The following PTPRC variants were observed in gnomAD, a reference collection of about 807,000 sequenced individuals.
The protein encoded by PTPRC is protein tyrosine phosphatase receptor type C.
Under a neutral mutation model 155.9 loss-of-function variants are expected in PTPRC, and 44 were observed. The ratio of observed to expected loss-of-function variants is 0.28; its 90% CI spans 0.22 to 0.36. The LOEUF (loss-of-function observed/expected upper bound fraction) is 0.36. Ranked by LOEUF, PTPRC falls within the 10% of genes least tolerant of loss-of-function variation. The probability of loss-of-function intolerance (pLI) is 1.00; values close to 1 mark genes in which losing one functional copy is unlikely to be tolerated. For missense variants in PTPRC, 1,401 were observed against 1,564.6 expected (o/e 0.90, Z 1.76); for synonymous variants, 525 against 533.1 (o/e 0.98, Z 0.21).
intron 2 of PTPRC, among the ~76,000 whole-genome samples, chr1:198,675,059 C>A (rs1664873735): frequency 6.6e-6 from 1 of 151,972 alleles, no homozygotes. Context: ...CTGTTCATTG[C>A]CTCTGTTAGT....
At chr1:198,692,599 A>T in intron 3 of PTPRC, 1 of 1,026,870 alleles carries the variant, frequency 9.7e-7, no homozygotes, top group Non-Finnish European at 1.2e-6. Flanking sequence ...TTTTGTGTAT[A>T]AATAGTAACT....
In PTPRC at chr1:198,702,526, C is replaced by T. The variant is rs1469875572; in HGVS notation, c.579C>T (p.Thr193=). 19 of 1,614,096 alleles carry T rather than the reference C, an allele frequency of 1.2e-5. No individual in the cohort carries two copies. The highest frequency in any genetic ancestry group is 1.6e-5 in the Non-Finnish European group (19 of 1,180,034). ...CCAACACCACCATCACAGCGAACAC[C>T]TCAGGTCTGACTATGCTGCTCTAGT... ...RTSNTTITAN[T]SDAYLNASET... Residue 193 remains threonine (T), a synonymous_variant, in exon 6 of 33, where the codon ACC becomes ACT. Transcript: ENST00000442510.
intron 2 of PTPRC, among the ~76,000 whole-genome samples, chr1:198,662,387 A>G (rs1398766032): frequency 1.3e-5 from 2 of 151,702 alleles, no homozygotes; most frequent in African/African-American, 2.4e-5. Context: ...GGCAGAGCCA[A>G]TGTTTGATCT....
intron 2 of PTPRC, among the ~76,000 whole-genome samples, chr1:198,690,661 A>G (rs1404941896): frequency 1.3e-5 from 2 of 152,098 alleles, no homozygotes; most frequent in Non-Finnish European, 2.9e-5. Flanking sequence ...CTCTGAAGGA[A>G]GAAAATGTTT....
At chr1:198,727,603 A>G (rs1654198089) in intron 15 of PTPRC, among the ~76,000 whole-genome samples, 1 of 152,156 alleles carries the variant, frequency 6.6e-6, no homozygotes, top group South Asian at 2.1e-4. Context: ...CAAGTTCCCA[A>G]CTAAGAAGTG....
intron 3 of PTPRC, chr1:198,694,018 G>A (rs1191013469): frequency 6.5e-7 from 1 of 1,547,664 alleles, no homozygotes; most frequent in Non-Finnish European, 8.7e-7. Context: ...CCCACAATAG[G>A]CCATCTGCAA....
intron 11 of PTPRC, among the ~76,000 whole-genome samples, chr1:198,711,113 C>T (rs1449359007): frequency 3.3e-5 from 5 of 152,148 alleles, no homozygotes; most frequent in African/African-American, 4.8e-5. Context: ...CATGAGCCAC[C>T]ATGCCCGGCC....
chr1:198,750,596 T>G lies in PTPRC; in HGVS notation c.3177T>G (p.Val1059=). The G allele has an allele frequency of 6.2e-7, 1 of 1,612,778 alleles. No homozygotes were observed. Among genetic ancestry groups the G allele is most frequent in the Non-Finnish European group, 8.5e-7 (1 of 1,179,142 alleles). Residue 1059 remains valine (V), a synonymous_variant, in exon 29 of 33, where the codon GTT becomes GTG. Coordinates refer to ENST00000442510, the MANE Select transcript of PTPRC (RefSeq NM_002838.5). ...MIFQRKVKVI[V]MLTELKHGDQ... is the part of the protein sequence containing the mutation. ...TCCAAAGAAAAGTCAAAGTTATTGT[T>G]ATGCTGACAGAACTGAAACATGGAG...
At chr1:198,747,984 T>C (rs1467372432) in intron 26 of PTPRC, 125 bp from the exon 27 acceptor site, 1 of 1,409,624 alleles carries the variant, frequency 7.1e-7, no homozygotes, top group East Asian at 2.5e-5. Flanking sequence ...AATTATGGCC[T>C]ATAGGGAGCA....
intron 2 of PTPRC, among the ~76,000 whole-genome samples, chr1:198,656,082 G>A (rs1663550208): frequency 6.6e-6 from 1 of 152,036 alleles, no homozygotes; most frequent in Admixed American, 6.6e-5. Context: ...GAATTTTGTA[G>A]TAACAATTAA....
chr1:198,745,482 A>G (rs775060852), intron 26 of PTPRC, among the ~76,000 whole-genome samples: 27 of 151,846 alleles, frequency 1.8e-4, no homozygotes, highest in Admixed American at 1.4e-3. Context: ...GTTGAGAGAT[A>G]CAAGGGCGAG....
At chr1:198,697,276 A>G (rs570211595) in intron 4 of PTPRC, among the ~76,000 whole-genome samples, 1 of 152,254 alleles carries the variant, frequency 6.6e-6, no homozygotes, top group South Asian at 2.1e-4. Flanking sequence ...CTCTCCTTGG[A>G]AGGTGTCTTA....
chr1:198,701,245 T>G (rs1380458641), intron 5 of PTPRC, among the ~76,000 whole-genome samples: 1 of 152,230 alleles, frequency 6.6e-6, no homozygotes, highest in Non-Finnish European at 1.5e-5. Context: ...AGATGCATTT[T>G]CAATTCTAAT....
chr1:198,732,259 C>A (rs762980520), intron 18 of PTPRC, 41 bp from the exon 19 acceptor site: 1 of 1,478,966 alleles, frequency 6.8e-7, no homozygotes, highest in South Asian at 1.1e-5. Flanking sequence ...AATTATTTTT[C>A]CTGAATCTGC....
chr1:198,752,465 T>C, intron 30 of PTPRC, 94 bp downstream of exon 30: 4 of 1,542,436 alleles, frequency 2.6e-6, no homozygotes, highest in Non-Finnish European at 3.6e-6. Flanking sequence ...GGCCATCATA[T>C]AAATAATGTT....
chr1:198,743,067 C>CAAAAAAAAA (rs10628640), intron 25 of PTPRC, among the ~76,000 whole-genome samples: 30 of 75,912 alleles, frequency 4.0e-4, no homozygotes, highest in Non-Finnish European at 5.3e-4. Context: ...GTCAAAATAG[C>CAAAAAAAAA]AAAAAAAAAA....
At chr1:198,707,740 T>A (rs893775796) in intron 9 of PTPRC, among the ~76,000 whole-genome samples, 3 of 152,170 alleles carry the variant, frequency 2.0e-5, no homozygotes, top group African/African-American at 7.2e-5. Flanking sequence ...AAACTCCCAA[T>A]ACACTTTATA....
chr1:198,731,191 A>T (rs1425444668), intron 17 of PTPRC, among the ~76,000 whole-genome samples: 1 of 152,118 alleles, frequency 6.6e-6, no homozygotes. Flanking sequence ...AAGGGTATTA[A>T]TCATATTGTC....
chr1:198,714,469 T>A (rs931482416), intron 12 of PTPRC, among the ~76,000 whole-genome samples: 2 of 152,156 alleles, frequency 1.3e-5, no homozygotes, highest in African/African-American at 4.8e-5. Flanking sequence ...TACCCAAATT[T>A]AACAGCTGTC....
Sources: gnomAD v4.1 joint callset for allele counts (sites outside exome capture counted in the v4.1 genomes callset) on GRCh38, gnomAD v4.1.1 for gene constraint, MANE v1.5 for transcripts, NCBI Gene and HGNC (gene_info 2026-07-23, HGNC 2026-07-21) for gene names.